The following PNOC variants were observed in gnomAD, a reference collection of about 807,000 sequenced individuals.
PNOC encodes nociceptin.
Under a neutral mutation model 15.6 loss-of-function variants are expected in PNOC, and 10 were observed. The observed-to-expected ratio is 0.64, with a 90% CI of 0.40 to 1.09. The LOEUF (loss-of-function observed/expected upper bound fraction) is 1.09, where lower values mean the gene tolerates loss of function less well. Ranked by LOEUF, PNOC falls within the 50% of genes least tolerant of loss-of-function variation. PNOC has a pLI of 0.01. For synonymous variants in PNOC, 98 were observed against 88.5 expected (o/e 1.11, Z -0.60); for missense variants, 220 against 223.9 (o/e 0.98, Z 0.11).
chr8:28,324,713 AT>A (rs1241402274), intron 1 of PNOC, among the ~76,000 whole-genome samples: 1 of 152,116 alleles, frequency 6.6e-6, no homozygotes, highest in Non-Finnish European at 1.5e-5. Flanking sequence ...TAATACAAAA[AT>A]TAGCTGGGGG....
At chr8:28,325,702 G>C (rs2614091) in intron 1 of PNOC, among the ~76,000 whole-genome samples, 47,577 of 148,502 alleles carry the variant, frequency 0.32, 9,568 homozygotes, top group Non-Finnish European at 0.45. Flanking sequence ...ACATTAAGAG[G>C]CTGATACAGT....
chr8:28,327,861 G>A (rs1228592202), intron 1 of PNOC, among the ~76,000 whole-genome samples: 1 of 151,910 alleles, frequency 6.6e-6, no homozygotes, highest in South Asian at 2.1e-4. Context: ...TGGGAAGTTT[G>A]AGATCAAGGT....
Position 28,329,154 on chromosome 8 carries a change from C to T in PNOC, c.-4C>T, listed in dbSNP as rs941905387. The T allele has an allele frequency of 1.1e-5, 18 of 1,613,532 alleles. No homozygotes were observed. The highest frequency in any genetic ancestry group is 1.5e-5 in the Non-Finnish European group (18 of 1,179,998). ...TTCCAGCACCTGCTTCCTGCTCCTGCACCATGAAAGTCCTGCTTTGTGACC... is the reference window on the plus strand; with the variant it reads ...TTCCAGCACCTGCTTCCTGCTCCTGTACCATGAAAGTCCTGCTTTGTGACC... On this transcript the variant is annotated 5_prime_UTR_variant, in exon 2 of 4. Coordinates refer to ENST00000301908, the MANE Select transcript of PNOC (RefSeq NM_006228.5).
chr8:28,338,609 A>G (rs1801455064), intron 2 of PNOC: 23 of 991,064 alleles, frequency 2.3e-5, no homozygotes, highest in Non-Finnish European at 2.8e-5. Flanking sequence ...CACATCCCCA[A>G]TTTCTTTAAC....
chr8:28,329,347 C>A (rs891199297), intron 2 of PNOC, 64 bp downstream of exon 2: 4 of 1,586,736 alleles, frequency 2.5e-6, no homozygotes, highest in East Asian at 4.5e-5. Context: ...CCTCCCTACT[C>A]CAGAGCAGAC....
intron 2 of PNOC, among the ~76,000 whole-genome samples, chr8:28,330,391 A>ATTTT (rs200641227): frequency 7.9e-5 from 6 of 76,080 alleles, no homozygotes; most frequent in Non-Finnish European, 1.2e-4. Flanking sequence ...ATTTTATTTT[A>ATTTT]TTTTATTTTT....
At chr8:28,340,654 T>A (rs1018337787) in intron 3 of PNOC, among the ~76,000 whole-genome samples, 1 of 152,206 alleles carries the variant, frequency 6.6e-6, no homozygotes, top group African/African-American at 2.4e-5. Flanking sequence ...TAAACAAAGT[T>A]TATTTGGCTC....
intron 3 of PNOC, among the ~76,000 whole-genome samples, chr8:28,341,999 A>G (rs1379404125): frequency 6.6e-6 from 1 of 152,170 alleles, no homozygotes; most frequent in Non-Finnish European, 1.5e-5. Context: ...ACTAATAGAC[A>G]TGGAGAAGGC....
intron 3 of PNOC, chr8:28,339,692 G>A (rs1259168422): frequency 1.2e-5 from 5 of 400,380 alleles, no homozygotes; most frequent in Non-Finnish European, 2.2e-5. Flanking sequence ...ACCACTTCCG[G>A]CTAGAGACTG....
At chr8:28,329,722 A>T (rs1006309951) in intron 2 of PNOC, among the ~76,000 whole-genome samples, 1 of 152,190 alleles carries the variant, frequency 6.6e-6, no homozygotes, top group East Asian at 1.9e-4. Flanking sequence ...GGCCCTTGGT[A>T]TCTACTGGTT....
chr8:28,342,588 G>C (rs1428384401), intron 3 of PNOC, among the ~76,000 whole-genome samples: 1 of 152,234 alleles, frequency 6.6e-6, no homozygotes. Context: ...GGTTATCAGT[G>C]CCATCAGGCT....
At chr8:28,333,209 G>T (rs1299294338) in intron 2 of PNOC, among the ~76,000 whole-genome samples, 1 of 152,128 alleles carries the variant, frequency 6.6e-6, no homozygotes, top group African/African-American at 2.4e-5. Flanking sequence ...TTTGTGAGCT[G>T]CTCCTTTCAT....
chr8:28,343,045 A>C lies in PNOC; in HGVS notation c.*151A>C, dbSNP rs1801552098. ...GGCACTGAGCGCCTGCAGATCCCGC[A>C]GGCTTCGTTTGCCTCCAGAACCTTC... On this transcript the variant is annotated 3_prime_UTR_variant, in exon 4 of 4. Transcript: ENST00000301908. The C allele has an allele frequency of 1.0e-6, 1 of 978,012 alleles. No individual in the cohort carries two copies. Among genetic ancestry groups the C allele is most frequent in the African/African-American group, 1.8e-5 (1 of 57,108 alleles). 60.6% of individuals were successfully genotyped at this position (978,012 alleles called of 1,614,324 possible).
At chr8:28,325,696 T>C (rs1801215012) in intron 1 of PNOC, among the ~76,000 whole-genome samples, 1 of 144,640 alleles carries the variant, frequency 6.9e-6, no homozygotes, top group Non-Finnish European at 1.5e-5. Flanking sequence ...AGAAAGACAT[T>C]AAGAGGCTGA....
chr8:28,340,552 G>C (rs947169622), intron 3 of PNOC, among the ~76,000 whole-genome samples: 9 of 152,220 alleles, frequency 5.9e-5, no homozygotes, highest in African/African-American at 2.2e-4. Context: ...ATCATCTGCA[G>C]AGTCCCATAC....
chr8:28,327,060 A>G (rs1360067304), intron 1 of PNOC, among the ~76,000 whole-genome samples: 1 of 152,248 alleles, frequency 6.6e-6, no homozygotes, highest in African/African-American at 2.4e-5. Context: ...TGAACTCTTT[A>G]TTAAGGGAAC....
intron 1 of PNOC, among the ~76,000 whole-genome samples, chr8:28,322,432 T>C (rs1801165609): frequency 6.6e-6 from 1 of 152,074 alleles, no homozygotes; most frequent in African/African-American, 2.4e-5. Flanking sequence ...AAGGTTGTCA[T>C]CAGACAGGGA....
intron 2 of PNOC, among the ~76,000 whole-genome samples, chr8:28,331,579 C>T (rs879888668): frequency 3.9e-5 from 6 of 152,186 alleles, no homozygotes; most frequent in Non-Finnish European, 5.9e-5. Flanking sequence ...CACCTGGGCT[C>T]CAGACCCGTG....
chr8:28,341,233 G>C (rs4732851), intron 3 of PNOC, among the ~76,000 whole-genome samples: 1 of 152,048 alleles, frequency 6.6e-6, no homozygotes. Context: ...TGTTCACCAC[G>C]GGCCTGTTAC....
Sources: allele counts gnomAD v4.1 joint callset (sites outside exome capture counted in the v4.1 genomes callset), GRCh38; gene constraint gnomAD v4.1.1; transcripts MANE v1.5; gene names NCBI Gene and HGNC (gene_info 2026-07-23, HGNC 2026-07-21).